The following RD3 variants were observed in gnomAD, a reference collection of about 807,000 sequenced individuals.
The protein encoded by RD3 is RD3 regulator of GUCY2D.
In RD3, 11 loss-of-function variants were observed where a neutral mutation model predicts 16.9. That is an observed-to-expected ratio of 0.65 (90% confidence interval 0.41 to 1.08). The LOEUF (loss-of-function observed/expected upper bound fraction) is 1.08. Ranked by LOEUF, RD3 falls within the 50% of genes least tolerant of loss-of-function variation. The probability of loss-of-function intolerance (pLI) is 0.00; values close to 1 mark genes in which losing one functional copy is unlikely to be tolerated. For synonymous variants in RD3, 116 were observed against 114.8 expected, an observed-to-expected ratio of 1.01 and a Z score of -0.07; for missense variants, 274 against 267.4, an observed-to-expected ratio of 1.02 and a Z score of -0.17.
intron 1 of RD3, among the ~76,000 whole-genome samples, chr1:211,486,835 C>G (rs1200951450): frequency 6.6e-6 from 1 of 152,122 alleles, no homozygotes; most frequent in African/African-American, 2.4e-5. Flanking sequence ...AAGAGCGAAA[C>G]TCTGTCTCCA....
intron 2 of RD3, among the ~76,000 whole-genome samples, chr1:211,479,745 T>G (rs1285711200): frequency 1.3e-5 from 2 of 152,164 alleles, no homozygotes; most frequent in Non-Finnish European, 2.9e-5. Flanking sequence ...GAAACCTATA[T>G]CTGATTATGT....
chr1:211,491,077 C>A (rs1282858342), intron 1 of RD3, among the ~76,000 whole-genome samples: 1 of 152,178 alleles, frequency 6.6e-6, no homozygotes, highest in Non-Finnish European at 1.5e-5. Flanking sequence ...CAGGAGAGGG[C>A]GTGTACACAG....
rs567041089 is a variant in RD3, at chr1:211,481,501, G to T, written c.-11-75C>A. ...AGAGTGGGGAACCTGGGAACCCAAG[G>T]GGGAGAGAGGAGAGCTGGGACCCAG... On this transcript the variant is annotated intron_variant, in intron 1 of 2. Coordinates refer to ENST00000680073, the MANE Select transcript of RD3 (RefSeq NM_001164688.2). 96 of 1,423,756 alleles carry T rather than the reference G, an allele frequency of 6.7e-5. 2 individuals are homozygous for T. The South Asian group carries it at 1.0e-3, about 15-fold the overall frequency. 88.2% of individuals were successfully genotyped at this position (1,423,756 alleles called of 1,614,324 possible).
chr1:211,481,012 G>T, intron 2 of RD3, 108 bp downstream of exon 2: 4 of 1,145,824 alleles, frequency 3.5e-6, no homozygotes, highest in Non-Finnish European at 5.1e-6. Context: ...CAGATAACTA[G>T]GTCATCCAGG....
At position 211,479,026 on chromosome 1, in the gene RD3, G is replaced by A; in HGVS notation, c.*10C>T. 2 of 1,590,368 alleles carry A rather than the reference G, an allele frequency of 1.3e-6. No homozygotes were observed. The highest frequency in any genetic ancestry group is 1.7e-6 in the Non-Finnish European group (2 of 1,171,132). ...GAAGGCTCCGCTTCTGGGCAGGGAA[G>A]CGGCCGGGGTCAGTCGGCTTTGGGC... On this transcript the variant is annotated 3_prime_UTR_variant, in exon 3 of 3. Transcript: ENST00000680073.
intron 1 of RD3, among the ~76,000 whole-genome samples, chr1:211,487,293 C>G (rs1280455714): frequency 1.3e-5 from 2 of 152,216 alleles, no homozygotes; most frequent in Non-Finnish European, 1.5e-5. Context: ...GCTGTTCTCC[C>G]CCTCCCATAA....
Position 211,486,553 on chromosome 1 carries a change from A to G in RD3, c.-11-5127T>C, listed in dbSNP as rs565028599. On this transcript the variant is annotated intron_variant, in intron 1 of 2. Coordinates refer to ENST00000680073, the MANE Select transcript of RD3 (RefSeq NM_001164688.2). ...AATCTGAATATGAGCTGGATGTTAG[A>G]AAATAATCCATGGGGCTGGGCACGG... Among the ~76,000 whole-genome samples the G allele has an allele frequency of 2.0e-5, 3 of 151,706 alleles. No individual in the cohort carries two copies. In the South Asian group the frequency reaches 6.3e-4, roughly 32 times the overall value.
chr1:211,486,768 G>A (rs576987169), intron 1 of RD3, among the ~76,000 whole-genome samples: 6 of 152,072 alleles, frequency 3.9e-5, no homozygotes, highest in South Asian at 2.1e-4. Flanking sequence ...GCTTGAACCC[G>A]GGAGGCAGAG....
In RD3 at chr1:211,478,469, T is replaced by C; in HGVS notation, c.*567A>G. The C allele has an allele frequency of 3.2e-6, 1 of 310,822 alleles. No homozygotes were observed. The highest frequency in any genetic ancestry group is 5.3e-5 in the East Asian group (1 of 18,908). 19.3% of individuals were successfully genotyped at this position (310,822 alleles called of 1,614,324 possible). A position where few individuals can be genotyped will look rare whatever the true frequency, so the allele number is the denominator to read the frequency against. Reference sequence around the variant, plus strand: ...GAAGTGTCCCTCTCTGAGCCTCAAGTTCCACATTTACTAGCTGAAGAGAGT... The same window carrying C: ...GAAGTGTCCCTCTCTGAGCCTCAAGCTCCACATTTACTAGCTGAAGAGAGT... On this transcript the variant is annotated 3_prime_UTR_variant, in exon 3 of 3. Transcript: ENST00000680073.
At chr1:211,483,499 A>C (rs924303849) in intron 1 of RD3, among the ~76,000 whole-genome samples, 2 of 152,160 alleles carry the variant, frequency 1.3e-5, no homozygotes, top group East Asian at 1.9e-4. Flanking sequence ...TCTCCACGCA[A>C]CCTAAGCCTA....
chr1:211,486,843 C>G (rs1705384801), intron 1 of RD3, among the ~76,000 whole-genome samples: 1 of 151,812 alleles, frequency 6.6e-6, no homozygotes, highest in Admixed American at 6.6e-5. Context: ...AACTCTGTCT[C>G]CAAAAAAGAA....
intron 1 of RD3, among the ~76,000 whole-genome samples, chr1:211,489,700 G>T (rs75188641): frequency 0.052 from 7,942 of 151,762 alleles, 277 homozygotes; most frequent in African/African-American, 0.079. Context: ...ACTCCCAAAG[G>T]GGGCACAAAA....
chr1:211,488,403 C>T (rs550239325), intron 1 of RD3, among the ~76,000 whole-genome samples: 9 of 152,120 alleles, frequency 5.9e-5, no homozygotes, highest in African/African-American at 2.2e-4. Flanking sequence ...GGTGTGGTTG[C>T]AGATGCCTGT....
rs1705178563 is a variant in RD3, at chr1:211,477,984, T to G, written c.*1052A>C. 1 of 397,586 alleles carries G rather than the reference T, an allele frequency of 2.5e-6. No individual in the cohort carries two copies. The highest frequency in any genetic ancestry group is 4.4e-5 in the Admixed American group (1 of 22,700). 24.6% of individuals were successfully genotyped at this position (397,586 alleles called of 1,614,324 possible). A position where few individuals can be genotyped will look rare whatever the true frequency, so the allele number is the denominator to read the frequency against. On this transcript the variant is annotated 3_prime_UTR_variant, in exon 3 of 3. Coordinates refer to ENST00000680073, the MANE Select transcript of RD3 (RefSeq NM_001164688.2). Reference sequence around the variant, plus strand: ...ACCATGTTAGAAAAGGGAAGGACAATGAAGCTGCAGGAAGCTCTTCTAGAA... The same window carrying G: ...ACCATGTTAGAAAAGGGAAGGACAAGGAAGCTGCAGGAAGCTCTTCTAGAA...
chr1:211,490,003 C>T (rs1705454697), intron 1 of RD3, among the ~76,000 whole-genome samples: 2 of 152,202 alleles, frequency 1.3e-5, no homozygotes, highest in East Asian at 1.9e-4. Flanking sequence ...CTCTCAGAGC[C>T]TTCCTTTCAG....
At chr1:211,484,282 A>G (rs2102370097) in intron 1 of RD3, among the ~76,000 whole-genome samples, 1 of 152,336 alleles carries the variant, frequency 6.6e-6, no homozygotes, top group East Asian at 1.9e-4. Flanking sequence ...AAATGAATGA[A>G]TGAATGCCCG....
In RD3 at chr1:211,491,966, C is replaced by G. The variant is rs985092962; in HGVS notation, c.-210G>C. 1.3e-5 allele frequency: 2 copies of G among 152,220 alleles called. No homozygotes were observed. Among genetic ancestry groups the G allele is most frequent in the African/African-American group, 4.8e-5 (2 of 41,348 alleles). 9.4% of individuals were successfully genotyped at this position (152,220 alleles called of 1,614,324 possible). On this transcript the variant is annotated 5_prime_UTR_variant, in exon 1 of 3. Coordinates refer to ENST00000680073, the MANE Select transcript of RD3 (RefSeq NM_001164688.2). The stretch of plus-strand genomic sequence containing the variant: ...TGCCGGCTGGCCTCAAATTTTGCCT[C>G]TCTTTGGTTCTCTGAGAAGTTTTAC...
At chr1:211,490,836 C>T (rs1705476486) in intron 1 of RD3, among the ~76,000 whole-genome samples, 1 of 152,170 alleles carries the variant, frequency 6.6e-6, no homozygotes, top group Admixed American at 6.5e-5. Flanking sequence ...ACCCATGGAG[C>T]ACTGATCCCA....
Position 211,478,905 on chromosome 1 carries a change from T to G in RD3, c.*131A>C. 3.0e-5 allele frequency: 22 copies of G among 726,282 alleles called. No homozygotes were observed. The highest frequency in any genetic ancestry group is 3.2e-5 in the Non-Finnish European group (15 of 468,384). The allele number at this position is 726,282 out of a possible 1,614,324, so 45.0% of individuals were successfully genotyped here. On this transcript the variant is annotated 3_prime_UTR_variant, in exon 3 of 3. Transcript: ENST00000680073. ...AGTCGCTTCATTTTATAGCAGCGTCTTGGGATGGGGCCGCCTCTTGGGTCT... is the reference window on the plus strand; with the variant it reads ...AGTCGCTTCATTTTATAGCAGCGTCGTGGGATGGGGCCGCCTCTTGGGTCT...
Sources: gnomAD v4.1 joint callset for allele counts (sites outside exome capture counted in the v4.1 genomes callset) on GRCh38, gnomAD v4.1.1 for gene constraint, MANE v1.5 for transcripts, NCBI Gene and HGNC (gene_info 2026-07-23, HGNC 2026-07-21) for gene names.